The following KPNA6 variants were observed in gnomAD, a reference collection of about 807,000 sequenced individuals.
KPNA6 encodes importin subunit alpha-7.
KPNA6 carries 9 observed loss-of-function variants against 72.0 expected under a neutral mutation model. That is an observed-to-expected ratio of 0.13 (90% CI 0.08 to 0.22). The LOEUF (loss-of-function observed/expected upper bound fraction) is 0.22, where lower values mean the gene tolerates loss of function less well. KPNA6 is among the 10% of genes least tolerant of loss of function. The pLI is 1.00. For synonymous variants in KPNA6, 219 were observed against 242.1 expected (o/e 0.90, Z 0.89); for missense variants, 374 against 655.7 (o/e 0.57, Z 4.69).
rs1400857520 is a variant in KPNA6 at position 32,157,396 on chromosome 1, T to C, written c.282T>C (p.Ser94=). The C allele has an allele frequency of 6.2e-7, 1 of 1,613,990 alleles. No individual in the cohort carries two copies. The highest frequency in any genetic ancestry group is 8.5e-7 in the Non-Finnish European group (1 of 1,179,962). ...TGGAGATGCTCTTTTCTGATGATTC[T>C]GACCTGCAGTTAGCAACCACACAGA... ...EMVEMLFSDD[S]DLQLATTQKF... Residue 94 remains serine, a synonymous_variant, in exon 4 of 14, where the codon TCT becomes TCC. Coordinates refer to ENST00000373625, the MANE Select transcript of KPNA6 (RefSeq NM_012316.5).
intron 1 of KPNA6, among the ~76,000 whole-genome samples, chr1:32,150,448 C>A (rs1398269513): frequency 3.3e-5 from 5 of 151,550 alleles, no homozygotes; most frequent in African/African-American, 1.2e-4. Flanking sequence ...TTAGTCTTTG[C>A]TTGTAAATGT....
At chr1:32,166,798 C>T (rs867917557) in intron 11 of KPNA6, among the ~76,000 whole-genome samples, 7 of 142,640 alleles carry the variant, frequency 4.9e-5, no homozygotes, top group African/African-American at 1.8e-4. Context: ...ATTAGCCGGG[C>T]GTGGTGGCAG....
intron 12 of KPNA6, among the ~76,000 whole-genome samples, chr1:32,167,801 C>G (rs1042542229): frequency 3.3e-5 from 5 of 149,828 alleles, no homozygotes; most frequent in Non-Finnish European, 5.9e-5. Context: ...CTGCAGTGAG[C>G]TGTGATTGTA....
At chr1:32,133,992 C>T (rs1408554408) in intron 1 of KPNA6, among the ~76,000 whole-genome samples, 6 of 152,046 alleles carry the variant, frequency 3.9e-5, no homozygotes, top group Non-Finnish European at 8.8e-5. Flanking sequence ...CCTGTAATCC[C>T]GGCACTTTGG....
At chr1:32,134,485 A>G (rs1042893242) in intron 1 of KPNA6, among the ~76,000 whole-genome samples, 1 of 151,814 alleles carries the variant, frequency 6.6e-6, no homozygotes, top group South Asian at 2.1e-4. Context: ...TACTCAAAAT[A>G]CAAAAATTAG....
At chr1:32,116,331 G>T (rs1641328217) in intron 1 of KPNA6, among the ~76,000 whole-genome samples, 1 of 150,840 alleles carries the variant, frequency 6.6e-6, no homozygotes, top group Non-Finnish European at 1.5e-5. Flanking sequence ...AAACATTTGT[G>T]TGTTCACTGG....
At chr1:32,160,970 A>G (rs539071204) in intron 7 of KPNA6, among the ~76,000 whole-genome samples, 1 of 152,326 alleles carries the variant, frequency 6.6e-6, no homozygotes, top group Non-Finnish European at 1.5e-5. Flanking sequence ...AGCCTGGGCA[A>G]CATGGTGAAA....
At chr1:32,147,650 CTTTTTTTTTTTTTTTT>C (rs915571659) in intron 1 of KPNA6, among the ~76,000 whole-genome samples, 3 of 81,882 alleles carry the variant, frequency 3.7e-5, no homozygotes, top group African/African-American at 4.9e-5. Flanking sequence ...GATTTCTTTT[CTTTTTTTTTTTTTTTT>C]TTTTTTTTTT....
intron 10 of KPNA6, among the ~76,000 whole-genome samples, chr1:32,164,928 G>A (rs1305718812): frequency 6.6e-6 from 1 of 151,824 alleles, no homozygotes; most frequent in Non-Finnish European, 1.5e-5. Flanking sequence ...GACAGAGTCT[G>A]TCTTTGTCAC....
intron 9 of KPNA6, 114 bp from the exon 10 acceptor site, chr1:32,163,118 AAAG>A (rs1557483459): frequency 5.8e-6 from 4 of 687,408 alleles, no homozygotes; most frequent in African/African-American, 1.8e-5. Flanking sequence ...AAAAAAGAAA[AAAG>A]AAAAAAAAAG....
At chr1:32,142,542 C>T (rs150496602) in intron 1 of KPNA6, among the ~76,000 whole-genome samples, 2 of 152,104 alleles carry the variant, frequency 1.3e-5, no homozygotes, top group Non-Finnish European at 2.9e-5. Flanking sequence ...AGGCCCCTAC[C>T]TATTTTGTAT....
rs1229703933 is a variant in KPNA6 at position 32,170,177 on chromosome 1, C to T, written c.1423+117C>T. The T allele has an allele frequency of 3.4e-6, 3 of 871,582 alleles. No individual in the cohort carries two copies. In the African/African-American group the frequency reaches 5.1e-5, roughly 15 times the overall value. 54.0% of individuals were successfully genotyped at this position (871,582 alleles called of 1,614,324 possible). A position where few individuals can be genotyped will look rare whatever the true frequency, so the allele number is the denominator to read the frequency against. On this transcript the variant is annotated intron_variant, in intron 13 of 13. Coordinates refer to ENST00000373625, the MANE Select transcript of KPNA6 (RefSeq NM_012316.5). The stretch of plus-strand genomic sequence containing the variant: ...GGAAGCATCCATAGCTTCCATGAGA[C>T]TGATGTCTGTGTCTTCAGAACAGTT...
At chr1:32,164,684 G>A (rs1463625005) in intron 10 of KPNA6, among the ~76,000 whole-genome samples, 4 of 144,162 alleles carry the variant, frequency 2.8e-5, no homozygotes, top group African/African-American at 5.1e-5. Context: ...TTGGCCATCT[G>A]TGTATTTTTT....
chr1:32,122,278 A>G (rs186725626), intron 1 of KPNA6, among the ~76,000 whole-genome samples: 1 of 152,228 alleles, frequency 6.6e-6, no homozygotes, highest in African/African-American at 2.4e-5. Context: ...TTGTCTCAAA[A>G]AACAAAATGT....
In KPNA6 at chr1:32,170,946, G is replaced by T. The variant is rs1347936023; in HGVS notation, c.*52G>T. The T allele has an allele frequency of 2.6e-6, 4 of 1,545,860 alleles. No individual in the cohort carries two copies. In the South Asian group the frequency reaches 3.4e-5, roughly 13 times the overall value. ...TGGGAAGCACCACCAGCCAGCGGAA[G>T]AGCAGCCCTCTGGTGGGCGGGAAAC... On this transcript the variant is annotated 3_prime_UTR_variant, in exon 14 of 14. Coordinates refer to ENST00000373625, the MANE Select transcript of KPNA6 (RefSeq NM_012316.5).
chr1:32,115,164 T>TTC (rs1348842328), intron 1 of KPNA6, among the ~76,000 whole-genome samples: 1 of 149,718 alleles, frequency 6.7e-6, no homozygotes, highest in Non-Finnish European at 1.5e-5. Flanking sequence ...GAGACGGAGT[T>TTC]TCTCTCTGTT....
At chr1:32,127,346 TTGTG>T (rs1051987638) in intron 1 of KPNA6, among the ~76,000 whole-genome samples, 3 of 152,166 alleles carry the variant, frequency 2.0e-5, no homozygotes, top group Admixed American at 6.5e-5. Flanking sequence ...AGAGGATTCT[TTGTG>T]TGGCCTTTCA....
chr1:32,160,740 T>C (rs2124075972), intron 7 of KPNA6, 37 bp downstream of exon 7: 1 of 1,525,698 alleles, frequency 6.6e-7, no homozygotes, highest in African/African-American at 1.4e-5. Flanking sequence ...GGGCGTCTAC[T>C]GGGTGGCCAC....
intron 11 of KPNA6, 143 bp from the exon 12 acceptor site, chr1:32,167,026 G>GC: frequency 2.1e-6 from 2 of 974,484 alleles, no homozygotes; most frequent in Non-Finnish European, 3.0e-6. Flanking sequence ...TTCTGTAGTA[G>GC]CCTGTCACCT....
Sources: allele counts gnomAD v4.1 joint callset (sites outside exome capture counted in the v4.1 genomes callset), GRCh38; gene constraint gnomAD v4.1.1; transcripts MANE v1.5; gene names NCBI Gene and HGNC (gene_info 2026-07-23, HGNC 2026-07-21).